The following JAK3 variants were observed in gnomAD, a reference collection of about 807,000 sequenced individuals.
The protein encoded by JAK3 is Janus kinase 3.
A neutral mutation model predicts 120.8 loss-of-function variants in JAK3; 88 were observed. The ratio of observed to expected loss-of-function variants is 0.73; its 90% CI spans 0.61 to 0.87. JAK3 has a LOEUF of 0.87. Among genes scored for constraint, JAK3 ranks in the 40% least tolerant of loss-of-function variants. The pLI is 0.00. For missense variants in JAK3, 1,254 were observed against 1,501.4 expected (o/e 0.84, Z 2.72); for synonymous variants, 592 against 628.6 (o/e 0.94, Z 0.87).
intron 12 of JAK3, among the ~76,000 whole-genome samples, chr19:17,837,707 G>A (rs571601873): frequency 9.7e-4 from 148 of 152,084 alleles, no homozygotes; most frequent in Admixed American, 2.2e-3. Context: ...GAGCCACCGC[G>A]CCCGGCCTAA....
In JAK3 at chr19:17,839,646, A is replaced by G; in HGVS notation, c.1272T>C (p.Asp424=). 6.2e-7 allele frequency: 1 copy of G among 1,610,642 alleles called. No homozygotes were observed. The highest frequency in any genetic ancestry group is 1.1e-5 in the South Asian group (1 of 90,012). The change falls in exon 10 of 24, where the codon GAT becomes GAC. Residue 424 remains aspartate, a synonymous_variant. Transcript: ENST00000458235. ...TVCVQNPLGP[D]YKGCLIRRSP... is the part of the protein sequence containing the mutation. The stretch of plus-strand genomic sequence containing the variant: ...TGCGCCGGATGAGGCAGCCCTTATA[A>G]TCAGGACCAAGGGGGTTCTGCAAAG...
At chr19:17,836,709 C>A in intron 13 of JAK3, 1 of 429,246 alleles carries the variant, frequency 2.3e-6, no homozygotes, top group Non-Finnish European at 4.4e-6. Context: ...TGCCCAACCC[C>A]CAGGCTGGCC....
In JAK3 at chr19:17,832,529, G is replaced by C. The variant is rs144195765; in HGVS notation, c.2670C>G (p.Ser890Arg). Residue 890 changes from serine (S) to arginine (R), a missense_variant, in exon 19 of 24, where the codon AGC becomes AGG. By Grantham distance (110) the Ser-to-Arg change is moderately radical (BLOSUM62 -1). Transcript: ENST00000458235. The surrounding 1 kb of genome is among the most constrained non-coding windows in gnomAD (Gnocchi z 4.7). ...CGGGAGCTGGCTCACCCGGGCCATA[G>C]CTGACACCACGATACTTGACAATGA... ...SDFIVKYRGV[S>R]YGPGRQSLRL... 2 of 1,614,098 alleles carry C rather than the reference G, an allele frequency of 1.2e-6. No homozygotes were observed. Among genetic ancestry groups the C allele is most frequent in the African/African-American group, 2.7e-5 (2 of 74,922 alleles).
Position 17,826,732 on chromosome 19 carries a change from G to A in JAK3, c.*11C>T, listed in dbSNP as rs377604061. 15 of 1,614,000 alleles carry A rather than the reference G, an allele frequency of 9.3e-6. No homozygotes were observed. The highest frequency in any genetic ancestry group is 1.3e-5 in the African/African-American group (1 of 75,066). ...CAACAGAGACCTAATCCAGAGGTCT[G>A]CGGGCAGGAGCTATGAAAAGGACAG... On this transcript the variant is annotated 3_prime_UTR_variant, in exon 24 of 24. Transcript: ENST00000458235.
chr19:17,838,447 G>A lies in JAK3; in HGVS notation c.1442-57C>T, dbSNP rs542199073. 3.7e-6 allele frequency: 6 copies of A among 1,608,374 alleles called. No homozygotes were observed. In the Admixed American group the frequency reaches 1.0e-4, roughly 27 times the overall value. On this transcript the variant is annotated intron_variant, in intron 10 of 23. Transcript: ENST00000458235. Reference sequence around the variant, plus strand: ...AAATCAGAGGTGAAAAGTCCCCAAGGGTTAGCTAACTCATGCCTTAGTTTG... The same window carrying A: ...AAATCAGAGGTGAAAAGTCCCCAAGAGTTAGCTAACTCATGCCTTAGTTTG...
Position 17,841,482 on chromosome 19 carries a change from C to T in JAK3, c.1049G>A (p.Arg350Gln), listed in dbSNP as rs1376805771. 2 of 1,565,260 alleles carry T rather than the reference C, an allele frequency of 1.3e-6. No individual in the cohort carries two copies. The highest frequency in any genetic ancestry group is 2.4e-5 in the East Asian group (1 of 42,074). Reference sequence around the variant, plus strand: ...GAAGTGCTGGGAGTCCGTGGTCAGCCGGAAGTAGCCGTCCACGAGCGCCAC... The same window carrying T: ...GAAGTGCTGGGAGTCCGTGGTCAGCTGGAAGTAGCCGTCCACGAGCGCCAC... ...SFVALVDGYFRLTTDSQHFFC... is the reference protein window; with the variant it reads ...SFVALVDGYFQLTTDSQHFFC... The change falls in exon 8 of 24, where the codon CGG (arginine) becomes CAG (glutamine). Residue 350 changes from arginine (R) to glutamine (Q), a missense_variant. This residue lies in a region of JAK3 where 486 missense variants were observed against 503.0 expected (regional missense o/e 0.97). Coordinates refer to ENST00000458235, the MANE Select transcript of JAK3 (RefSeq NM_000215.4). This position sits in a 1 kb window ranked among gnomAD's most constrained non-coding sequence, Gnocchi z 4.1.
At position 17,832,694 on chromosome 19, in the gene JAK3, G is replaced by T. The variant is rs201199096; in HGVS notation, c.2505C>A (p.Ser835Arg). The T allele has an allele frequency of 6.2e-7, 1 of 1,614,068 alleles. No homozygotes were observed. Among genetic ancestry groups the T allele is most frequent in the Non-Finnish European group, 8.5e-7 (1 of 1,180,042 alleles). ...GCGGGTCATAGCGGCACAGCTCCAC[G>T]CTGCCAAAGTTGCCCTGGGGGATAG... Reference protein sequence around the residue: ...ISQLGKGNFGSVELCRYDPLG... With the variant: ...ISQLGKGNFGRVELCRYDPLG... The change falls in exon 19 of 24, where the codon AGC (serine) becomes AGA (arginine). Residue 835 changes from serine to arginine, a missense_variant. Around this residue, in one of 3 missense-constraint regions of JAK3, gnomAD observed 630 missense variants for 819.8 expected, o/e 0.77. Coordinates refer to ENST00000458235, the MANE Select transcript of JAK3 (RefSeq NM_000215.4). This position sits in a 1 kb window ranked among gnomAD's most constrained non-coding sequence, Gnocchi z 4.7.
Position 17,842,598 on chromosome 19 carries a change from G to A in JAK3, c.579C>T (p.Cys193=), listed in dbSNP as rs1421430606. 6.3e-7 allele frequency: 1 copy of A among 1,578,348 alleles called. No individual in the cohort carries two copies. The highest frequency in any genetic ancestry group is 8.6e-7 in the Non-Finnish European group (1 of 1,160,650). The stretch of plus-strand genomic sequence containing the variant: ...TCAGGTCGCGCAGGCTTGGGGGTAG[G>A]CAGGCCTTGTAGCTGCAGGGGTTGG... ...ELLKTVSYKA[C]LPPSLRDLIQ... The change falls in exon 6 of 24, where the codon TGC becomes TGT. Residue 193 remains cysteine, a synonymous_variant. Coordinates refer to ENST00000458235, the MANE Select transcript of JAK3 (RefSeq NM_000215.4). This position sits in a 1 kb window ranked among gnomAD's most constrained non-coding sequence, Gnocchi z 6.4.
chr19:17,842,318 C>T lies in JAK3; in HGVS notation c.859G>A (p.Glu287Lys), dbSNP rs776551276. ...CCAGCGGGGGAGTCCGCCCTCACCT[C>T]CTGTTCTCCCTGGGTCCAGGCGATG... Reference protein sequence around the residue: ...GGIAWTQGEQEVLQPFCDFPE... With the variant: ...GGIAWTQGEQKVLQPFCDFPE... The change falls in exon 6 of 24, where the codon GAG (glutamate) becomes AAG (lysine). Residue 287 changes from glutamate to lysine, a missense_variant and splice_region_variant. Physicochemically the swap from Glu to Lys is moderately conservative, Grantham distance 56 (BLOSUM62 1). Transcript: ENST00000458235. The surrounding 1 kb of genome is among the most constrained non-coding windows in gnomAD (Gnocchi z 6.4). 3 of 1,582,254 alleles carry T rather than the reference C, an allele frequency of 1.9e-6. No homozygotes were observed. Among genetic ancestry groups the T allele is most frequent in the South Asian group, 2.3e-5 (2 of 88,502 alleles).
At position 17,843,332 on chromosome 19, in the gene JAK3, C is replaced by G; in HGVS notation, c.420+48G>C. On this transcript the variant is annotated intron_variant, in intron 4 of 23. Coordinates refer to ENST00000458235, the MANE Select transcript of JAK3 (RefSeq NM_000215.4). This position sits in a 1 kb window ranked among gnomAD's most constrained non-coding sequence, Gnocchi z 5.4. ...TGATTGCATGCCAGTCCTCATGTTGCCCCTTGGACCCCCAACCCCCTGGGT... is the reference window on the plus strand; with the variant it reads ...TGATTGCATGCCAGTCCTCATGTTGGCCCTTGGACCCCCAACCCCCTGGGT... 5.9e-6 allele frequency: 9 copies of G among 1,518,014 alleles called. No individual in the cohort carries two copies. The highest frequency in any genetic ancestry group is 7.2e-6 in the Non-Finnish European group (8 of 1,116,278). 94.0% of individuals were successfully genotyped at this position (1,518,014 alleles called of 1,614,324 possible).
rs1229393882 is a variant in JAK3, at chr19:17,824,824, AG to A, written c.*1918del. On this transcript the variant is annotated 3_prime_UTR_variant, in exon 24 of 24. Transcript: ENST00000458235. ...TTATTCAGTCAACAAACATTTCCAG[AG>A]CCCCCTCTGTACTGAGGCCTCAGCC... 1.0e-5 allele frequency: 2 copies of A among 200,882 alleles called. No homozygotes were observed. Among genetic ancestry groups the A allele is most frequent in the African/African-American group, 2.3e-5 (1 of 43,474 alleles). The allele number at this position is 200,882 out of a possible 1,614,324, so 12.4% of individuals were successfully genotyped here. A position where few individuals can be genotyped will look rare whatever the true frequency, so the allele number is the denominator to read the frequency against.
chr19:17,847,604 G>A (rs1005648975), intron 1 of JAK3, among the ~76,000 whole-genome samples: 1 of 152,148 alleles, frequency 6.6e-6, no homozygotes, highest in Non-Finnish European at 1.5e-5. Flanking sequence ...GTCTGGACCG[G>A]GAAGGCCTGG....
Position 17,831,876 on chromosome 19 carries a change from C to T in JAK3, c.2681-78G>A. The T allele has an allele frequency of 1.9e-6, 3 of 1,562,880 alleles. No individual in the cohort carries two copies. The highest frequency in any genetic ancestry group is 4.5e-5 in the East Asian group (2 of 44,298). Reference sequence around the variant, plus strand: ...TTCTTCCCCCCTTTCACAGTGGGACCTTGTGTCCCTCTCGACCTCAGTTTT... The same window carrying T: ...TTCTTCCCCCCTTTCACAGTGGGACTTTGTGTCCCTCTCGACCTCAGTTTT... On this transcript the variant is annotated intron_variant, in intron 19 of 23. Transcript: ENST00000458235. The surrounding 1 kb of genome is among the most constrained non-coding windows in gnomAD (Gnocchi z 5.1).
rs2094213588 is a variant in JAK3, at chr19:17,831,108, A to G, written c.2978+120T>C. 4 of 995,644 alleles carry G rather than the reference A, an allele frequency of 4.0e-6. No homozygotes were observed. The highest frequency in any genetic ancestry group is 5.6e-6 in the Non-Finnish European group (4 of 708,096). The allele number at this position is 995,644 out of a possible 1,614,324, so 61.7% of individuals were successfully genotyped here. On this transcript the variant is annotated intron_variant, in intron 21 of 23. Coordinates refer to ENST00000458235, the MANE Select transcript of JAK3 (RefSeq NM_000215.4). The surrounding 1 kb of genome is among the most constrained non-coding windows in gnomAD (Gnocchi z 5.1). ...GGGGAGTGGGAGGGGCCAAAGCTGC[A>G]GCGGAGGAAGGGCGGGGCTAAGGCT...
At position 17,827,784 on chromosome 19, in the gene JAK3, C is replaced by A. The variant is rs992772658; in HGVS notation, c.3208-874G>T. On this transcript the variant is annotated intron_variant, in intron 23 of 23. Transcript: ENST00000458235. ...ATTACAGGTGGCGTGTGCCTGTAAT[C>A]CCAGCTACTCGGGAGTCTAAGGCAG... 5.7e-5 allele frequency among the ~76,000 whole-genome samples: 8 copies of A among 139,448 alleles called. No homozygotes were observed. The Admixed American group carries it at 5.9e-4, about 10-fold the overall frequency. 91.5% of individuals were successfully genotyped at this position (139,448 alleles called of 152,430 possible).
rs555534579 is a variant in JAK3 at position 17,846,916 on chromosome 19, A to T, written c.-14+1030T>A. 2.9e-5 allele frequency among the ~76,000 whole-genome samples: 4 copies of T among 140,086 alleles called. No homozygotes were observed. In the East Asian group the frequency reaches 8.5e-4, roughly 30 times the overall value. The allele number at this position is 140,086 out of a possible 152,430, so 91.9% of individuals were successfully genotyped here. A position where few individuals can be genotyped will look rare whatever the true frequency, so the allele number is the denominator to read the frequency against. ...TTTATTTATTTATTTTGTAGGGGGGAGGACGGATTCTTGTTCTGTCTCCCA... is the reference window on the plus strand; with the variant it reads ...TTTATTTATTTATTTTGTAGGGGGGTGGACGGATTCTTGTTCTGTCTCCCA... On this transcript the variant is annotated intron_variant, in intron 1 of 23. Coordinates refer to ENST00000458235, the MANE Select transcript of JAK3 (RefSeq NM_000215.4).
Position 17,839,566 on chromosome 19 carries a change from C to T in JAK3, c.1352G>A (p.Arg451Gln), listed in dbSNP as rs145751599. Residue 451 changes from arginine (R) to glutamine (Q), a missense_variant, in exon 10 of 24, where the codon CGA (arginine) becomes CAA (glutamine). Arg to Gln is a conservative substitution (Grantham distance 43). Coordinates refer to ENST00000458235, the MANE Select transcript of JAK3 (RefSeq NM_000215.4). ...VGLSRPHSSL[R>Q]ELLATCWDGG... ...ATCCCAGCAGGTTGCCAGGAGCTCT[C>T]GAAGACTGCTGTGGGGTCGGCTGAG... 2.2e-5 allele frequency: 36 copies of T among 1,609,862 alleles called. No individual in the cohort carries two copies. Among genetic ancestry groups the T allele is most frequent in the South Asian group, 1.3e-4 (12 of 89,930 alleles).
In JAK3 at chr19:17,830,501, A is replaced by C; in HGVS notation, c.3096+2T>G. The stretch of plus-strand genomic sequence containing the variant: ...GCTGGGGGCTCTGGGAAGCCGACTC[A>C]CGGCCGAGGGGCTGCAGCTTTTGTC... On this transcript the variant is annotated splice_donor_variant, in intron 22 of 23. Coordinates refer to ENST00000458235, the MANE Select transcript of JAK3 (RefSeq NM_000215.4). LOFTEE classifies it high-confidence loss of function. The C allele has an allele frequency of 6.2e-7, 1 of 1,610,536 alleles. No individual in the cohort carries two copies. The highest frequency in any genetic ancestry group is 8.5e-7 in the Non-Finnish European group (1 of 1,177,480).
chr19:17,842,066 C>T lies in JAK3; in HGVS notation c.861+250G>A, dbSNP rs951079705. Among the ~76,000 whole-genome samples the T allele has an allele frequency of 6.6e-6, 1 of 151,862 alleles. No homozygotes were observed. The highest frequency in any genetic ancestry group is 2.1e-4 in the South Asian group (1 of 4,824). ...CTCTGCCTCTTAGTCTTGCCTCGTT[C>T]CAGCGCCCACCCACCCACTCCTCAA... On this transcript the variant is annotated intron_variant, in intron 6 of 23. Coordinates refer to ENST00000458235, the MANE Select transcript of JAK3 (RefSeq NM_000215.4). This position sits in a 1 kb window ranked among gnomAD's most constrained non-coding sequence, Gnocchi z 6.4.
Sources: allele counts gnomAD v4.1 joint callset (sites outside exome capture counted in the v4.1 genomes callset), GRCh38; gene constraint gnomAD v4.1.1; regional missense constraint gnomAD v4.1.1; non-coding constraint Gnocchi (gnomAD v3.1); transcripts MANE v1.5; gene names NCBI Gene and HGNC (gene_info 2026-07-23, HGNC 2026-07-21).